Variants in IQGAP1 observed in about 807,000 individuals in gnomAD.
IQGAP1 encodes IQ motif containing GTPase activating protein 1.
Under a neutral mutation model 215.6 loss-of-function variants are expected in IQGAP1, and 66 were observed. The ratio of observed to expected loss-of-function variants is 0.31; its 90% CI spans 0.25 to 0.38. The LOEUF (loss-of-function observed/expected upper bound fraction) is 0.38. Among genes scored for constraint, IQGAP1 ranks in the 10% least tolerant of loss-of-function variants. IQGAP1 has a pLI of 1.00. For synonymous variants in IQGAP1, 772 were observed against 728.7 expected (o/e 1.06, Z -0.96); for missense variants, 1,712 against 1,997.1 (o/e 0.86, Z 2.72).
intron 18 of IQGAP1, among the ~76,000 whole-genome samples, chr15:90,471,372 A>G (rs889173370): frequency 7.9e-5 from 12 of 152,118 alleles, no homozygotes; most frequent in Non-Finnish European, 1.6e-4. Flanking sequence ...CCAAGCAGGA[A>G]GTAGGAAGAA....
At chr15:90,472,584 T>C (rs1965921245) in intron 18 of IQGAP1, among the ~76,000 whole-genome samples, 1 of 152,092 alleles carries the variant, frequency 6.6e-6, no homozygotes, top group African/African-American at 2.4e-5. Flanking sequence ...GATAGGTAGA[T>C]AAGTGAGATG....
Position 90,486,039 on chromosome 15 carries a change from G to A in IQGAP1, c.3931G>A (p.Asp1311Asn). The A allele has an allele frequency of 6.2e-7, 1 of 1,613,028 alleles. No homozygotes were observed. Among genetic ancestry groups the A allele is most frequent in the Non-Finnish European group, 8.5e-7 (1 of 1,179,258 alleles). Residue 1311 changes from aspartate to asparagine, a missense_variant, in exon 31 of 38, where the codon GAT (aspartate) becomes AAT (asparagine). Coordinates refer to ENST00000268182, the MANE Select transcript of IQGAP1 (RefSeq NM_003870.4). ...EIINTHTLLLDHQDAIAPEHN... is the reference protein window; with the variant it reads ...EIINTHTLLLNHQDAIAPEHN... ...TCATTGGTGTTTGCAGCTCCTGTTG[G>A]ATCACCAGGATGCCATTGCTCCGGA...
intron 28 of IQGAP1, chr15:90,482,681 C>CT (rs1966076264): frequency 8.5e-6 from 8 of 938,142 alleles, no homozygotes; most frequent in Non-Finnish European, 1.0e-5. Context: ...AATCTGAATG[C>CT]TTTTTTCTTC....
At position 90,494,826 on chromosome 15, in the gene IQGAP1, A is replaced by G. The variant is rs764785208; in HGVS notation, c.4742A>G (p.Gln1581Arg). The G allele has an allele frequency of 2.5e-6, 4 of 1,604,174 alleles. No homozygotes were observed. The Admixed American group carries it at 6.8e-5, about 27-fold the overall frequency. Residue 1581 changes from glutamine (Q) to arginine (R), a missense_variant, in exon 36 of 38, where the codon CAA (glutamine) becomes CGA (arginine). Physicochemically the swap from Gln to Arg is conservative, Grantham distance 43 (BLOSUM62 1). Around this residue, in one of 2 missense-constraint regions of IQGAP1, gnomAD observed 691 missense variants for 923.0 expected, o/e 0.75. Coordinates refer to ENST00000268182, the MANE Select transcript of IQGAP1 (RefSeq NM_003870.4). ...KGVLLEIEDL[Q>R]VNQFKNVIFE... Reference sequence around the variant, plus strand: ...GTTCTTCTGGAAATTGAGGACCTGCAAGTGAATCAGTGAGTCTTTGCTTTT... The same window carrying G: ...GTTCTTCTGGAAATTGAGGACCTGCGAGTGAATCAGTGAGTCTTTGCTTTT...
At position 90,463,549 on chromosome 15, in the gene IQGAP1, A is replaced by G. The variant is rs201048545; in HGVS notation, c.1777-2452A>G. On this transcript the variant is annotated intron_variant, in intron 15 of 37. Transcript: ENST00000268182. ...TTGTCTCACATTGGAACTATTGTCT[A>G]GTATTTCCAGTAGTTATTCTTAGGA... is the stretch of plus-strand genomic sequence containing the variant. 5.9e-5 allele frequency among the ~76,000 whole-genome samples: 9 copies of G among 152,306 alleles called. No individual in the cohort carries two copies. The East Asian group carries it at 9.6e-4, about 16-fold the overall frequency.
intron 15 of IQGAP1, among the ~76,000 whole-genome samples, chr15:90,464,728 C>T (rs1199002071): frequency 6.6e-6 from 1 of 151,578 alleles, no homozygotes; most frequent in Admixed American, 6.6e-5. Context: ...GGCGGGTGCA[C>T]GTAGTCCCAG....
chr15:90,485,973 G>C, intron 30 of IQGAP1, 57 bp from the exon 31 acceptor site: 1 of 1,283,750 alleles, frequency 7.8e-7, no homozygotes, highest in Non-Finnish European at 1.1e-6. Flanking sequence ...GACATTCTAG[G>C]GAGGGACGGG....
intron 29 of IQGAP1, 39 bp downstream of exon 29, chr15:90,483,632 A>T: frequency 1.4e-6 from 2 of 1,398,590 alleles, no homozygotes; most frequent in South Asian, 1.2e-5. Context: ...GAGTCTGTGG[A>T]TGTATTTTTA....
At chr15:90,470,042 C>A (rs1434262593) in intron 18 of IQGAP1, among the ~76,000 whole-genome samples, 2 of 152,116 alleles carry the variant, frequency 1.3e-5, no homozygotes, top group Non-Finnish European at 2.9e-5. Context: ...ATCTTATTAA[C>A]CTCCACAGAA....
At chr15:90,440,469 C>G (rs1471756732) in intron 6 of IQGAP1, 33 bp from the exon 7 acceptor site, 2 of 1,444,400 alleles carry the variant, frequency 1.4e-6, no homozygotes, top group South Asian at 2.4e-5. Context: ...GGGTGCTTAG[C>G]TTGATTGACT....
intron 2 of IQGAP1, chr15:90,393,834 C>T (rs1964672919): frequency 1.3e-5 from 2 of 152,002 alleles, no homozygotes; most frequent in Admixed American, 6.6e-5. Flanking sequence ...AGTGCTTTTG[C>T]ATACTTAAGG....
At chr15:90,447,007 A>G (rs1208537339) in intron 9 of IQGAP1, among the ~76,000 whole-genome samples, 1 of 152,230 alleles carries the variant, frequency 6.6e-6, no homozygotes, top group African/African-American at 2.4e-5. Context: ...CTAAGACTCT[A>G]TGCTATATAC....
chr15:90,407,227 C>T (rs1027474840), intron 2 of IQGAP1, among the ~76,000 whole-genome samples: 2 of 152,064 alleles, frequency 1.3e-5, no homozygotes, highest in African/African-American at 2.4e-5. Context: ...TGAGTATGAC[C>T]AGGATGATAA....
intron 2 of IQGAP1, among the ~76,000 whole-genome samples, chr15:90,420,405 C>G (rs1048464933): frequency 6.6e-6 from 1 of 152,150 alleles, no homozygotes; most frequent in Non-Finnish European, 1.5e-5. Context: ...CAGGAGGCAG[C>G]TTAGGGTGCC....
At chr15:90,401,069 A>T (rs1964797409) in intron 2 of IQGAP1, among the ~76,000 whole-genome samples, 1 of 152,190 alleles carries the variant, frequency 6.6e-6, no homozygotes, top group African/African-American at 2.4e-5. Context: ...TTAACTCAGG[A>T]CTTGGTTGCC....
chr15:90,488,934 G>A (rs1248822984), intron 33 of IQGAP1, among the ~76,000 whole-genome samples: 1 of 152,108 alleles, frequency 6.6e-6, no homozygotes, highest in Admixed American at 6.5e-5. Flanking sequence ...TGTCACTGCA[G>A]AGATAAGGAA....
At chr15:90,439,684 C>G (rs1005410086) in intron 6 of IQGAP1, among the ~76,000 whole-genome samples, 1 of 151,974 alleles carries the variant, frequency 6.6e-6, no homozygotes, top group Non-Finnish European at 1.5e-5. Context: ...AATGTTAACA[C>G]ATAACACTAA....
intron 2 of IQGAP1, among the ~76,000 whole-genome samples, chr15:90,404,998 A>G (rs1398951955): frequency 6.6e-6 from 1 of 152,242 alleles, no homozygotes; most frequent in African/African-American, 2.4e-5. Flanking sequence ...AGTCTTATCT[A>G]TACTGAGATT....
Position 90,453,127 on chromosome 15 carries a change from T to G in IQGAP1, c.1327-5T>G, listed in dbSNP as rs1965629698. On this transcript the variant is annotated splice_polypyrimidine_tract_variant and splice_region_variant and intron_variant, in intron 12 of 37. Coordinates refer to ENST00000268182, the MANE Select transcript of IQGAP1 (RefSeq NM_003870.4). The stretch of plus-strand genomic sequence containing the variant: ...CTGTTTTCCCTTCTGTCCCTTTCTG[T>G]ACAGCATAATCTCACCCACCCAGAG... 6.2e-7 allele frequency: 1 copy of G among 1,608,046 alleles called. No individual in the cohort carries two copies. Among genetic ancestry groups the G allele is most frequent in the East Asian group, 2.2e-5 (1 of 44,874 alleles).
Sources: allele counts gnomAD v4.1 joint callset (sites outside exome capture counted in the v4.1 genomes callset), GRCh38; gene constraint gnomAD v4.1.1; regional missense constraint gnomAD v4.1.1; transcripts MANE v1.5; gene names NCBI Gene and HGNC (gene_info 2026-07-23, HGNC 2026-07-21).